Variants in KIAA1217 observed in about 807,000 individuals in gnomAD.
The protein encoded by KIAA1217 is KIAA1217.
A neutral mutation model predicts 163.9 loss-of-function variants in KIAA1217; 88 were observed. That is an observed-to-expected ratio of 0.54 (90% CI 0.45 to 0.64). KIAA1217 has a LOEUF of 0.64. KIAA1217 is among the 30% of genes least tolerant of loss of function. The pLI is 0.00. For synonymous variants in KIAA1217, 903 were observed against 923.1 expected, an observed-to-expected ratio of 0.98 and a Z score of 0.39; for missense variants, 2,372 against 2,475.0, an observed-to-expected ratio of 0.96 and a Z score of 0.88.
At chr10:24,470,664 AG>A (rs2063412000) in intron 5 of KIAA1217, among the ~76,000 whole-genome samples, 1 of 152,114 alleles carries the variant, frequency 6.6e-6, no homozygotes, top group Non-Finnish European at 1.5e-5. Context: ...ATTGTGAGGG[AG>A]GAGCCTGCAT....
intron 1 of KIAA1217, among the ~76,000 whole-genome samples, chr10:23,778,500 A>C (rs924868321): frequency 6.6e-6 from 1 of 152,220 alleles, no homozygotes; most frequent in Admixed American, 6.5e-5. Flanking sequence ...ATAAGGGGAA[A>C]GACATCAGGT....
At chr10:23,940,704 T>C (rs1843732641) in intron 1 of KIAA1217, among the ~76,000 whole-genome samples, 2 of 152,070 alleles carry the variant, frequency 1.3e-5, no homozygotes, top group Admixed American at 6.5e-5. Context: ...ACAGAACAAG[T>C]CTCAGCAAAT....
At chr10:23,942,596 C>T (rs1843826403) in intron 1 of KIAA1217, among the ~76,000 whole-genome samples, 1 of 152,032 alleles carries the variant, frequency 6.6e-6, no homozygotes, top group Admixed American at 6.6e-5. Flanking sequence ...CTAAACTTAC[C>T]CATCAACAAA....
At chr10:23,739,715 A>G (rs140102487) in intron 1 of KIAA1217, among the ~76,000 whole-genome samples, 1 of 152,256 alleles carries the variant, frequency 6.6e-6, no homozygotes, top group Non-Finnish European at 1.5e-5. Context: ...TGGGTTAGGA[A>G]TTGACTGTAG....
intron 2 of KIAA1217, among the ~76,000 whole-genome samples, chr10:24,101,370 A>T (rs1044638336): frequency 6.6e-6 from 1 of 151,794 alleles, no homozygotes; most frequent in Non-Finnish European, 1.5e-5. Flanking sequence ...ACATTTAAAT[A>T]ATGTAAAAAA....
intron 2 of KIAA1217, among the ~76,000 whole-genome samples, chr10:24,100,145 T>C (rs1205658639): frequency 1.3e-5 from 2 of 152,086 alleles, no homozygotes; most frequent in Non-Finnish European, 2.9e-5. Context: ...TTAGGGTTTT[T>C]TTTGTTTGTT....
chr10:23,791,166 A>C (rs1835931314), intron 1 of KIAA1217, among the ~76,000 whole-genome samples: 1 of 152,238 alleles, frequency 6.6e-6, no homozygotes, highest in South Asian at 2.1e-4. Flanking sequence ...TTATTGCTAT[A>C]GACATTCTTA....
intron 2 of KIAA1217, among the ~76,000 whole-genome samples, chr10:24,280,430 A>T (rs2077777003): frequency 6.6e-6 from 1 of 152,244 alleles, no homozygotes; most frequent in African/African-American, 2.4e-5. Flanking sequence ...AAATGAAAAG[A>T]TGCTGAATTT....
At position 24,533,423 on chromosome 10, in the gene KIAA1217, A is replaced by G. The variant is rs144648846; in HGVS notation, c.3414+186A>G. Reference sequence around the variant, plus strand: ...GCTGAACAAGGCTCTCAGGATGCCTATAAGATGTGCAAGGAATGACCATTT... The same window carrying G: ...GCTGAACAAGGCTCTCAGGATGCCTGTAAGATGTGCAAGGAATGACCATTT... On this transcript the variant is annotated intron_variant, in intron 16 of 20. Transcript: ENST00000376454. Among the ~76,000 whole-genome samples the G allele has an allele frequency of 1.9e-3, 288 of 152,360 alleles. 2 individuals are homozygous for G. Among genetic ancestry groups the G allele is most frequent in the African/African-American group, 6.7e-3 (279 of 41,586 alleles).
chr10:23,968,792 C>T (rs1452139000), intron 1 of KIAA1217, among the ~76,000 whole-genome samples: 2 of 152,162 alleles, frequency 1.3e-5, no homozygotes, highest in South Asian at 4.1e-4. Context: ...CATTATGTAG[C>T]AAGTATCAAT....
chr10:24,509,411 T>C (rs58412434), intron 9 of KIAA1217, among the ~76,000 whole-genome samples: 2,725 of 152,310 alleles, frequency 0.018, 99 homozygotes, highest in African/African-American at 0.063. Flanking sequence ...AGGCCCCGCT[T>C]TCTAGACAGG....
intron 2 of KIAA1217, among the ~76,000 whole-genome samples, chr10:24,103,679 AATG>A (rs1282429627): frequency 6.6e-6 from 1 of 152,196 alleles, no homozygotes; most frequent in Non-Finnish European, 1.5e-5. Context: ...TGCAAATTAA[AATG>A]ATGAGATACC....
chr10:24,339,052 C>A (rs1041493296), intron 2 of KIAA1217, among the ~76,000 whole-genome samples: 4 of 152,100 alleles, frequency 2.6e-5, no homozygotes, highest in Admixed American at 1.3e-4. Context: ...CCATATTTTT[C>A]TCAGTGTTAC....
intron 1 of KIAA1217, among the ~76,000 whole-genome samples, chr10:23,997,816 T>G (rs1846556767): frequency 6.6e-6 from 1 of 152,192 alleles, no homozygotes; most frequent in South Asian, 2.1e-4. Flanking sequence ...CCTTTCTTAC[T>G]TGTGTCTCCC....
chr10:23,955,772 G>C (rs184265418), intron 1 of KIAA1217, among the ~76,000 whole-genome samples: 2 of 152,270 alleles, frequency 1.3e-5, no homozygotes, highest in Admixed American at 6.5e-5. Flanking sequence ...CTTTTAAATT[G>C]ATTAGCCATT....
chr10:24,340,367 A>G (rs111492038), intron 2 of KIAA1217, among the ~76,000 whole-genome samples: 1 of 152,120 alleles, frequency 6.6e-6, no homozygotes, highest in African/African-American at 2.4e-5. Context: ...ATGGTCTGAT[A>G]AAGGGTTAAC....
rs1213674474 is a variant in KIAA1217 at position 24,438,290 on chromosome 10, T to C, written c.753-96T>C. 11 of 807,192 alleles carry C rather than the reference T, an allele frequency of 1.4e-5. No homozygotes were observed. In the East Asian group the frequency reaches 2.4e-4, roughly 18 times the overall value. 50.0% of individuals were successfully genotyped at this position (807,192 alleles called of 1,614,324 possible). On this transcript the variant is annotated intron_variant, in intron 4 of 20. Transcript: ENST00000376454. ...CTGTAGATAGCCTTTGGATTGTCTGTTCATGTTTTTTACCTGATCTTTAAG... is the reference window on the plus strand; with the variant it reads ...CTGTAGATAGCCTTTGGATTGTCTGCTCATGTTTTTTACCTGATCTTTAAG...
At chr10:24,171,278 T>C (rs550122318) in intron 2 of KIAA1217, among the ~76,000 whole-genome samples, 3 of 152,268 alleles carry the variant, frequency 2.0e-5, no homozygotes, top group South Asian at 2.1e-4. Flanking sequence ...ATGGCTCTGA[T>C]AAGAAAAGCA....
chr10:23,765,521 G>T (rs1281430044), intron 1 of KIAA1217, among the ~76,000 whole-genome samples: 2 of 152,028 alleles, frequency 1.3e-5, no homozygotes, highest in Non-Finnish European at 2.9e-5. Context: ...AGTATGCATT[G>T]ACATGGTTTG....
Sources: gnomAD v4.1 joint callset for allele counts (sites outside exome capture counted in the v4.1 genomes callset) on GRCh38, gnomAD v4.1.1 for gene constraint, MANE v1.5 for transcripts, NCBI Gene and HGNC (gene_info 2026-07-23, HGNC 2026-07-21) for gene names.